Variants in MXRA5 observed in about 807,000 individuals in gnomAD.
The protein encoded by MXRA5 is matrix remodeling associated 5.
Under a neutral mutation model 112.5 loss-of-function variants are expected in MXRA5, and 41 were observed. The observed-to-expected ratio is 0.36, with a 90% CI of 0.28 to 0.47. MXRA5 has a LOEUF of 0.47. Ranked by LOEUF, MXRA5 falls within the 20% of genes least tolerant of loss-of-function variation. The pLI, the probability that MXRA5 is intolerant of heterozygous loss-of-function variation, is 0.99. For synonymous variants in MXRA5, 862 were observed against 900.8 expected, an observed-to-expected ratio of 0.96 and a Z score of 0.77; for missense variants, 2,150 against 2,251.0, an observed-to-expected ratio of 0.96 and a Z score of 0.91.
chrX:3,317,330 G>T lies in MXRA5; in HGVS notation c.6351C>A (p.Ser2117Arg). 1 of 1,207,591 alleles carries T rather than the reference G, an allele frequency of 8.3e-7. No homozygotes were observed. ...LYIRNLAPKD[S>R]GRYECVAANL... ...TGGCGGCCACGCACTCATAGCGCCCGCTGTCCTTGGGCGCGAGGTTGCGGA... is the reference window on the plus strand; with the variant it reads ...TGGCGGCCACGCACTCATAGCGCCCTCTGTCCTTGGGCGCGAGGTTGCGGA... The change falls in exon 6 of 7, where the codon AGC becomes AGA. Residue 2117 changes from serine to arginine, a missense_variant. By Grantham distance (110) the Ser-to-Arg change is moderately radical (BLOSUM62 -1). Around this residue, in one of 6 missense-constraint regions of MXRA5, gnomAD observed 1,485 missense variants for 1,471.6 expected, o/e 1.01. Coordinates refer to ENST00000217939, the MANE Select transcript of MXRA5 (RefSeq NM_015419.4).
rs1422659788 is a variant in MXRA5 at position 3,321,795 on chromosome X, G to C, written c.3890C>G (p.Thr1297Arg). ...AGATGAATATATTTTTCTGGTGGTT[G>C]TCATGTAATCTAAGGAATCATAAGG... is the stretch of plus-strand genomic sequence containing the variant. ...EGPYDSLDYM[T>R]TTRKIYSSYP... Residue 1297 changes from threonine to arginine, a missense_variant, in exon 5 of 7, where the codon ACA becomes AGA. By Grantham distance (71) the Thr-to-Arg change is moderately conservative. This residue lies in a region of MXRA5 where 1,485 missense variants were observed against 1,471.6 expected (regional missense o/e 1.01). Coordinates refer to ENST00000217939, the MANE Select transcript of MXRA5 (RefSeq NM_015419.4). 1 of 1,210,369 alleles carries C rather than the reference G, an allele frequency of 8.3e-7. No homozygotes were observed. Among genetic ancestry groups the C allele is most frequent in the Non-Finnish European group, 1.1e-6 (1 of 894,403 alleles).
chrX:3,330,447 C>T, intron 3 of MXRA5, 39 bp from the exon 4 acceptor site: 1 of 1,155,412 alleles, frequency 8.7e-7, no homozygotes. Flanking sequence ...ACAAAAGGAT[C>T]CTGTTTATAG....
intron 4 of MXRA5, among the ~76,000 whole-genome samples, chrX:3,326,046 A>AATATATTTATACATAAATACATTTAT (rs1921478993): frequency 1.4e-4 from 10 of 69,976 alleles, no homozygotes; most frequent in African/African-American, 7.0e-4. Flanking sequence ...TTTATATATA[A>AATATATTTATACATAAATACATTTAT]ATATATTTAT....
chrX:3,345,569 G>C (rs1922087998), intron 1 of MXRA5, among the ~76,000 whole-genome samples: 2 of 112,905 alleles, frequency 1.8e-5, no homozygotes, highest in African/African-American at 6.4e-5. Flanking sequence ...AACCTCCCGG[G>C]AGACCCAGGA....
intron 2 of MXRA5, among the ~76,000 whole-genome samples, chrX:3,340,768 T>C (rs1421136822): frequency 9.4e-6 from 1 of 106,773 alleles, no homozygotes; most frequent in Non-Finnish European, 1.9e-5. Context: ...CCAGAAACTG[T>C]AAATGAGATG....
In MXRA5 at chrX:3,322,828, G is replaced by A. The variant is rs1432856614; in HGVS notation, c.2857C>T (p.Pro953Ser). Residue 953 changes from proline to serine, a missense_variant, in exon 5 of 7, where the codon CCA (proline) becomes TCA (serine). By Grantham distance (74) the Pro-to-Ser change is moderately conservative. Coordinates refer to ENST00000217939, the MANE Select transcript of MXRA5 (RefSeq NM_015419.4). ...GWSAADVGSS[P>S]EPTSSEYEPP... is the part of the protein sequence containing the mutation. ...TCATACTCACTGGATGTGGGCTCTG[G>A]TGACGATCCAACATCTGCTGCAGAC... The A allele has an allele frequency of 1.7e-6, 2 of 1,211,717 alleles. No homozygotes were observed. The highest frequency in any genetic ancestry group is 3.0e-5 in the East Asian group (1 of 33,836).
intron 2 of MXRA5, among the ~76,000 whole-genome samples, chrX:3,338,954 ATAGT>A (rs199759546): frequency 0.048 from 3,413 of 71,003 alleles, 71 homozygotes; most frequent in African/African-American, 0.16. Flanking sequence ...TAATAGATAG[ATAGT>A]TAGATAGATA....
chrX:3,325,563 A>T (rs1348718774), intron 4 of MXRA5, among the ~76,000 whole-genome samples: 1 of 104,893 alleles, frequency 9.5e-6, no homozygotes, highest in Non-Finnish European at 1.9e-5. Context: ...ATATATATCT[A>T]TCATGATATA....
Position 3,343,709 on chromosome X carries a change from G to C in MXRA5, c.125C>G (p.Thr42Arg). The C allele has an allele frequency of 8.3e-7, 1 of 1,211,809 alleles. No individual in the cohort carries two copies. The highest frequency in any genetic ancestry group is 1.1e-6 in the Non-Finnish European group (1 of 895,483). ...ACYVPSEVHCTFRSLASVPAG... is the reference protein window; with the variant it reads ...ACYVPSEVHCRFRSLASVPAG... ...GGGCACGGAAGCCAGGGATCGGAAC[G>C]TGCAGTGGACCTCGCTGGGGACGTA... Residue 42 changes from threonine to arginine, a missense_variant, in exon 2 of 7, where the codon ACG (threonine) becomes AGG (arginine). Thr to Arg is a moderately conservative substitution (Grantham distance 71, BLOSUM62 -1). This residue lies in a region of MXRA5 where 386 missense variants were observed against 411.0 expected (regional missense o/e 0.94). Transcript: ENST00000217939.
chrX:3,330,723 T>G lies in MXRA5; in HGVS notation c.239A>C (p.Lys80Thr). The G allele has an allele frequency of 8.3e-7, 1 of 1,209,549 alleles. No individual in the cohort carries two copies. Among genetic ancestry groups the G allele is most frequent in the Non-Finnish European group, 1.1e-6 (1 of 894,267 alleles). The change falls in exon 3 of 7, where the codon AAG (lysine) becomes ACG (threonine). Residue 80 changes from lysine (K) to threonine (T), a missense_variant. Transcript: ENST00000217939. ...GCCGTGAATCATAAGTAGCTCCAACTTGGTCAGTCCTGCAAATGAGGTTTC... is the reference window on the plus strand; with the variant it reads ...GCCGTGAATCATAAGTAGCTCCAACGTGGTCAGTCCTGCAAATGAGGTTTC... ...LSETSFAGLTKLELLMIHGNE... is the reference protein window; with the variant it reads ...LSETSFAGLTTLELLMIHGNE...
At chrX:3,334,659 C>T (rs999586913) in intron 2 of MXRA5, among the ~76,000 whole-genome samples, 8 of 111,832 alleles carry the variant, frequency 7.2e-5, no homozygotes, top group Non-Finnish European at 7.5e-5. Context: ...TCAATGAAAA[C>T]ATATTCAGAT....
chrX:3,339,895 A>AC (rs1921874223), intron 2 of MXRA5, among the ~76,000 whole-genome samples: 1 of 112,272 alleles, frequency 8.9e-6, no homozygotes, highest in African/African-American at 3.2e-5. Flanking sequence ...CACTGAATGT[A>AC]TAACCAACTC....
At position 3,318,021 on chromosome X, in the gene MXRA5, A is replaced by C. The variant is rs138775697; in HGVS notation, c.5678-18T>G. On this transcript the variant is annotated intron_variant, in intron 5 of 6. Coordinates refer to ENST00000217939, the MANE Select transcript of MXRA5 (RefSeq NM_015419.4). ...AAGAGCTCCTGGAGAAAATTAACACAGTCAGCTTTGGCATAAACTGTGCCC... is the reference window on the plus strand; with the variant it reads ...AAGAGCTCCTGGAGAAAATTAACACCGTCAGCTTTGGCATAAACTGTGCCC... 5.0e-3 allele frequency: 5,810 copies of C among 1,165,282 alleles called. 189 individuals are homozygous for C. The African/African-American group carries it at 0.088, about 18-fold the overall frequency.
rs1292637500 is a variant in MXRA5 at position 3,320,891 on chromosome X, T to C, written c.4794A>G (p.Arg1598=). ...TGGTTAGTTGATGAGAAGCATGAAC[T>C]CTTCCATCCTGGCGTTGGCTATCTG... ...RGPDSQRQDG[R]VHASHQLTRV... Residue 1598 remains arginine (R), a synonymous_variant, in exon 5 of 7, where the codon AGA becomes AGG. Coordinates refer to ENST00000217939, the MANE Select transcript of MXRA5 (RefSeq NM_015419.4). The C allele has an allele frequency of 8.3e-7, 1 of 1,211,931 alleles. No homozygotes were observed. Among genetic ancestry groups the C allele is most frequent in the South Asian group, 1.8e-5 (1 of 56,988 alleles).
rs974953542 is a variant in MXRA5 at position 3,343,574 on chromosome X, TACAC to T, written c.188+68_188+71del. 220 of 1,002,132 alleles carry T rather than the reference TACAC, an allele frequency of 2.2e-4. 4 individuals are homozygous for T. The Middle Eastern group carries it at 2.8e-3, about 13-fold the overall frequency. 82.6% of individuals were successfully genotyped at this position (1,002,132 alleles called of 1,213,427 possible). The stretch of plus-strand genomic sequence containing the variant: ...ACATATGAAGTTAAGTAAATGCACA[TACAC>T]ACACGCAAAACCAGATCAAGACGCA... On this transcript the variant is annotated intron_variant, in intron 2 of 6. Transcript: ENST00000217939.
chrX:3,340,141 T>G (rs898036907), intron 2 of MXRA5, among the ~76,000 whole-genome samples: 1 of 110,716 alleles, frequency 9.0e-6, no homozygotes, highest in Non-Finnish European at 1.9e-5. Context: ...AAAGCAATTT[T>G]CAGAAACGCT....
At chrX:3,313,540 G>T (rs751615456) in intron 6 of MXRA5, among the ~76,000 whole-genome samples, 1 of 112,466 alleles carries the variant, frequency 8.9e-6, no homozygotes, top group South Asian at 3.7e-4. Context: ...GATTACAGGT[G>T]TGAGCCACTG....
chrX:3,334,939 C>G lies in MXRA5; in HGVS notation c.189-4166G>C, dbSNP rs747333164. Among the ~76,000 whole-genome samples the G allele has an allele frequency of 5.4e-5, 6 of 111,545 alleles. No individual in the cohort carries two copies. The South Asian group carries it at 1.9e-3, about 36-fold the overall frequency. ...TCAAGTAGATATTGATAGCCTCTCC[C>G]GCCTCAGTTAATCGTCCCTGAATGC... On this transcript the variant is annotated intron_variant, in intron 2 of 6. Coordinates refer to ENST00000217939, the MANE Select transcript of MXRA5 (RefSeq NM_015419.4).
rs773837025 is a variant in MXRA5 at position 3,311,290 on chromosome X, T to C, written c.6913A>G (p.Asn2305Asp). ...GGRTKRYVVF[N>D]NGTLYFNEVG... Reference sequence around the variant, plus strand: ...TCGTTAAAGTAGAGTGTCCCATTGTTGAAGACGACATAGCGCTTGGTGCGT... The same window carrying C: ...TCGTTAAAGTAGAGTGTCCCATTGTCGAAGACGACATAGCGCTTGGTGCGT... The change falls in exon 7 of 7, where the codon AAC becomes GAC. Residue 2305 changes from asparagine (N) to aspartate (D), a missense_variant. By Grantham distance (23) the Asn-to-Asp change is conservative (BLOSUM62 1). Transcript: ENST00000217939. The C allele has an allele frequency of 2.6e-5, 32 of 1,210,354 alleles. No individual in the cohort carries two copies. In the South Asian group the frequency reaches 5.1e-4, roughly 19 times the overall value.
Sources: gnomAD v4.1 joint callset for allele counts (sites outside exome capture counted in the v4.1 genomes callset) on GRCh38, gnomAD v4.1.1 for gene constraint, gnomAD v4.1.1 regional missense constraint, MANE v1.5 for transcripts, NCBI Gene and HGNC (gene_info 2026-07-23, HGNC 2026-07-21) for gene names.